Variants in CA10 observed in about 807,000 individuals in gnomAD.
CA10 encodes the protein carbonic anhydrase-related protein 10.
A neutral mutation model predicts 44.2 loss-of-function variants in CA10; 14 were observed. The observed-to-expected ratio is 0.32, with a 90% CI of 0.21 to 0.50. The LOEUF is 0.50. Ranked by LOEUF, CA10 falls within the 20% of genes least tolerant of loss-of-function variation. CA10 has a pLI of 0.99. For missense variants in CA10, 350 were observed against 409.7 expected, an observed-to-expected ratio of 0.85 and a Z score of 1.26; for synonymous variants, 159 against 141.6, an observed-to-expected ratio of 1.12 and a Z score of -0.87.
intron 4 of CA10, among the ~76,000 whole-genome samples, chr17:51,746,061 G>A (rs1904675442): frequency 1.3e-5 from 2 of 152,122 alleles, no homozygotes; most frequent in Admixed American, 1.3e-4. Context: ...CAATGCCTTT[G>A]GCAGACATCC....
intron 4 of CA10, among the ~76,000 whole-genome samples, chr17:51,730,129 C>T (rs1274962993): frequency 6.6e-6 from 1 of 152,206 alleles, no homozygotes; most frequent in Non-Finnish European, 1.5e-5. Flanking sequence ...CCTAGCACAA[C>T]ATCAGCAAAG....
intron 2 of CA10, among the ~76,000 whole-genome samples, chr17:51,977,477 T>G (rs774913264): frequency 3.3e-5 from 5 of 152,054 alleles, no homozygotes; most frequent in Admixed American, 1.3e-4. Flanking sequence ...AAAATCTATT[T>G]TTAAAAACTA....
chr17:52,086,793 T>C lies in CA10; in HGVS notation c.62-14400A>G, dbSNP rs564586494. 4.6e-5 allele frequency among the ~76,000 whole-genome samples: 7 copies of C among 152,350 alleles called. No individual in the cohort carries two copies. In the East Asian group the frequency reaches 7.7e-4, roughly 17 times the overall value. On this transcript the variant is annotated intron_variant, in intron 1 of 8. Coordinates refer to ENST00000451037, the MANE Select transcript of CA10 (RefSeq NM_020178.5). ...TGCATTTGTTGTCCCAATATTGTTA[T>C]AAAATGGGGTCTCAAAGATGTCCCA...
At chr17:52,118,668 A>T (rs1988949524) in intron 1 of CA10, among the ~76,000 whole-genome samples, 1 of 152,174 alleles carries the variant, frequency 6.6e-6, no homozygotes, top group Non-Finnish European at 1.5e-5. Context: ...ATTAATATAT[A>T]TTCCAAAATT....
chr17:51,937,166 C>A (rs1378350795), intron 2 of CA10, among the ~76,000 whole-genome samples: 1 of 152,138 alleles, frequency 6.6e-6, no homozygotes, highest in African/African-American at 2.4e-5. Context: ...TGAATTCAAT[C>A]CTACAGATAA....
At chr17:51,695,398 T>A (rs747029946) in intron 4 of CA10, among the ~76,000 whole-genome samples, 1 of 152,158 alleles carries the variant, frequency 6.6e-6, no homozygotes, top group Non-Finnish European at 1.5e-5. Flanking sequence ...TTTGGTTAGA[T>A]GTATTACTAT....
intron 2 of CA10, among the ~76,000 whole-genome samples, chr17:51,959,535 G>A (rs1486864169): frequency 1.3e-5 from 2 of 152,060 alleles, no homozygotes; most frequent in Non-Finnish European, 2.9e-5. Flanking sequence ...CTAATTTTGT[G>A]TATGAAGTCT....
At chr17:51,991,599 C>T (rs924355897) in intron 2 of CA10, among the ~76,000 whole-genome samples, 4 of 152,016 alleles carry the variant, frequency 2.6e-5, no homozygotes, top group Non-Finnish European at 4.4e-5. Context: ...CACCAGAGGT[C>T]GGGAGTTTGA....
chr17:51,825,244 T>C (rs894542362), intron 3 of CA10, among the ~76,000 whole-genome samples: 43 of 152,146 alleles, frequency 2.8e-4, no homozygotes, highest in Admixed American at 2.3e-3. Context: ...CTGCTGAAGG[T>C]ATATTATCGA....
At chr17:51,883,340 C>T (rs960301978) in intron 3 of CA10, among the ~76,000 whole-genome samples, 2 of 152,176 alleles carry the variant, frequency 1.3e-5, no homozygotes, top group African/African-American at 4.8e-5. Flanking sequence ...AAAATCCCCT[C>T]CTGATCACTC....
intron 3 of CA10, among the ~76,000 whole-genome samples, chr17:51,893,686 T>C (rs1296053286): frequency 1.3e-5 from 2 of 152,110 alleles, no homozygotes; most frequent in East Asian, 1.9e-4. Context: ...ATAGACACCA[T>C]GAAGAATTAA....
chr17:52,123,945 C>T (rs1336947308), intron 1 of CA10, among the ~76,000 whole-genome samples: 1 of 152,150 alleles, frequency 6.6e-6, no homozygotes, highest in Non-Finnish European at 1.5e-5. Context: ...TTGTCAAGAA[C>T]AATCATTAAG....
intron 1 of CA10, among the ~76,000 whole-genome samples, chr17:52,141,183 C>T (rs550368547): frequency 6.6e-6 from 1 of 152,258 alleles, no homozygotes; most frequent in Non-Finnish European, 1.5e-5. Context: ...ATAATGTTTA[C>T]CTGGATGGGA....
intron 1 of CA10, among the ~76,000 whole-genome samples, chr17:52,100,285 A>C (rs1051520774): frequency 1.3e-5 from 2 of 152,226 alleles, no homozygotes; most frequent in African/African-American, 4.8e-5. Flanking sequence ...ATAGGCACAG[A>C]GATATCATCT....
chr17:51,767,625 T>C (rs1355613839), intron 3 of CA10, among the ~76,000 whole-genome samples: 1 of 152,138 alleles, frequency 6.6e-6, no homozygotes. Context: ...TCGAAGCACA[T>C]TACATTTATT....
chr17:51,687,562 A>G (rs1915048972), intron 4 of CA10, among the ~76,000 whole-genome samples: 1 of 152,250 alleles, frequency 6.6e-6, no homozygotes, highest in Non-Finnish European at 1.5e-5. Flanking sequence ...TTAAGATTTT[A>G]TAGCTTATAG....
intron 3 of CA10, among the ~76,000 whole-genome samples, chr17:51,886,095 G>A (rs971559419): frequency 6.6e-6 from 1 of 152,182 alleles, no homozygotes; most frequent in African/African-American, 2.4e-5. Context: ...CTGGACTTAA[G>A]CTGTCTAATA....
At chr17:52,114,848 A>G (rs563887513) in intron 1 of CA10, among the ~76,000 whole-genome samples, 47 of 152,312 alleles carry the variant, frequency 3.1e-4, no homozygotes, top group Non-Finnish European at 4.9e-4. Flanking sequence ...TTCTCTGGAA[A>G]GAGCTATTAG....
At chr17:51,913,201 A>G (rs1296551719) in intron 3 of CA10, among the ~76,000 whole-genome samples, 1 of 152,172 alleles carries the variant, frequency 6.6e-6, no homozygotes, top group African/African-American at 2.4e-5. Context: ...CCTCTAAGAC[A>G]TTTACATAAA....
Sources: gnomAD v4.1 joint callset for allele counts (sites outside exome capture counted in the v4.1 genomes callset) on GRCh38, gnomAD v4.1.1 for gene constraint, MANE v1.5 for transcripts, NCBI Gene and HGNC (gene_info 2026-07-23, HGNC 2026-07-21) for gene names.